Variants in ZNF728 observed in about 807,000 individuals in gnomAD.
The protein encoded by ZNF728 is zinc finger protein 728.
ZNF728 carries 12 observed loss-of-function variants against 12.5 expected under a neutral mutation model. The ratio of observed to expected loss-of-function variants is 0.96; its 90% CI spans 0.61 to 1.55. ZNF728 has a LOEUF of 1.55. Ranked by LOEUF, ZNF728 falls within the 40% of genes most tolerant of loss-of-function variation. The pLI is 0.00. For missense variants in ZNF728, 692 were observed against 719.2 expected (o/e 0.96, Z 0.43); for synonymous variants, 205 against 240.7 (o/e 0.85, Z 1.37).
chr19:22,982,673 A>G (rs934360580), intron 3 of ZNF728, among the ~76,000 whole-genome samples: 3 of 152,168 alleles, frequency 2.0e-5, no homozygotes, highest in African/African-American at 7.2e-5. Flanking sequence ...TATATAGACC[A>G]ATGGAACAGA....
chr19:22,989,672 C>CTTAT (rs1968962883), intron 1 of ZNF728, among the ~76,000 whole-genome samples: 1 of 152,104 alleles, frequency 6.6e-6, no homozygotes, highest in Non-Finnish European at 1.5e-5. Context: ...TGAATTTAAC[C>CTTAT]ATAAGGAAAC....
chr19:22,996,173 C>A (rs1454389512), intron 1 of ZNF728, among the ~76,000 whole-genome samples: 6 of 152,026 alleles, frequency 3.9e-5, no homozygotes, highest in Non-Finnish European at 7.4e-5. Flanking sequence ...AAAAAATTAT[C>A]TGAACTGTAA....
chr19:22,979,169 A>G (rs1371891149), intron 3 of ZNF728, among the ~76,000 whole-genome samples: 2 of 152,176 alleles, frequency 1.3e-5, no homozygotes, highest in African/African-American at 4.8e-5. Flanking sequence ...AAGAACATAA[A>G]TCACCTGATG....
Position 22,975,167 on chromosome 19 carries a change from C to A in ZNF728, c.*301G>T, listed in dbSNP as rs191486231. On this transcript the variant is annotated 3_prime_UTR_variant, in exon 4 of 4. Coordinates refer to ENST00000594710, the MANE Select transcript of ZNF728 (RefSeq NM_001267716.2). ...GCAGTTTCTCTCTAGTATGAATTAG[C>A]TTATGTCTGTTAAGAATTGAGGATC... Among the ~76,000 whole-genome samples, 273 of 152,306 alleles carry A rather than the reference C, an allele frequency of 1.8e-3. 1 individual carries two copies. Among genetic ancestry groups the A allele is most frequent in the Non-Finnish European group, 3.1e-3 (213 of 68,018 alleles).
intron 1 of ZNF728, among the ~76,000 whole-genome samples, chr19:22,991,766 C>T (rs1257530079): frequency 6.6e-6 from 1 of 152,128 alleles, no homozygotes; most frequent in African/African-American, 2.4e-5. Context: ...ATAAATAAGG[C>T]CTCCAAAAAG....
chr19:22,995,533 G>T (rs1203796843), intron 1 of ZNF728: 1 of 152,302 alleles, frequency 6.6e-6, no homozygotes. Context: ...TGCCTCCTGG[G>T]TTCAAGTGAT....
At chr19:22,978,053 T>G (rs1305074876) in intron 3 of ZNF728, among the ~76,000 whole-genome samples, 1 of 151,600 alleles carries the variant, frequency 6.6e-6, no homozygotes, top group Non-Finnish European at 1.5e-5. Flanking sequence ...AAGAAATAAC[T>G]GATTCTAAAA....
rs1174610201 is a variant in ZNF728, at chr19:23,000,445, G to C, written c.3+2583C>G. Among the ~76,000 whole-genome samples the C allele has an allele frequency of 2.0e-5, 3 of 149,754 alleles. No homozygotes were observed. The East Asian group carries it at 5.8e-4, about 29-fold the overall frequency. On this transcript the variant is annotated intron_variant, in intron 1 of 3. Transcript: ENST00000594710. ...CTAAATTCACTCTGAGAAAGAAAAA[G>C]GTGAATGAGAATTTTCAACAAATAA...
chr19:22,976,803 A>G lies in ZNF728; in HGVS notation c.534T>C (p.Tyr178=), dbSNP rs1968808451. The part of the protein sequence containing the change: ...TGKKLLKCKE[Y]VRSFCMLSHL... ...GTGAAAGCATGCAAAATGATCTGAC[A>G]TATTCTTTACATTTCAAAAGTTTCT... Residue 178 remains tyrosine, a synonymous_variant, in exon 4 of 4, where the codon TAT becomes TAC. Transcript: ENST00000594710. 6.2e-7 allele frequency: 1 copy of G among 1,613,382 alleles called. No homozygotes were observed. The highest frequency in any genetic ancestry group is 1.3e-5 in the African/African-American group (1 of 74,930).
chr19:22,982,612 C>T (rs289310), intron 3 of ZNF728, among the ~76,000 whole-genome samples: 46,504 of 151,630 alleles, frequency 0.31, 9,235 homozygotes, highest in African/African-American at 0.57. Context: ...TATCGAACTA[C>T]ACTACAAGGC....
chr19:22,991,707 A>G (rs539036675), intron 1 of ZNF728, among the ~76,000 whole-genome samples: 23 of 152,280 alleles, frequency 1.5e-4, no homozygotes, highest in African/African-American at 5.3e-4. Context: ...CAAAACTCTG[A>G]TTTCCTGTAA....
chr19:22,983,712 T>C (rs770248925), intron 3 of ZNF728, among the ~76,000 whole-genome samples: 2 of 152,090 alleles, frequency 1.3e-5, no homozygotes, highest in Non-Finnish European at 2.9e-5. Context: ...TGCAGAGACA[T>C]GGATAAAGCT....
intron 1 of ZNF728, among the ~76,000 whole-genome samples, chr19:23,001,330 T>A (rs1392013611): frequency 6.6e-6 from 1 of 151,754 alleles, no homozygotes; most frequent in Non-Finnish European, 1.5e-5. Flanking sequence ...CTCAAGGGAG[T>A]AGCTTTCCAA....
rs376902107 is a variant in ZNF728 at position 22,975,567 on chromosome 19, T to C, written c.1770A>G (p.Lys590=). The change falls in exon 4 of 4, where the codon AAA becomes AAG. Residue 590 remains lysine, a synonymous_variant. Transcript: ENST00000594710. ...NKHKKIHAGK[K]FYKCEECGKD... The stretch of plus-strand genomic sequence containing the variant: ...TACCACATTCTTCACATTTGTAGAA[T>C]TTCTTTCCAGCATGAATTTTCTTAT... The C allele has an allele frequency of 2.9e-4, 468 of 1,596,054 alleles. 23 individuals carry two copies. In the East Asian group the frequency reaches 3.4e-3, roughly 12 times the overall value.
chr19:22,992,579 G>T (rs958502959), intron 1 of ZNF728, among the ~76,000 whole-genome samples: 2 of 151,992 alleles, frequency 1.3e-5, no homozygotes, highest in African/African-American at 4.8e-5. Context: ...TATATGAAAT[G>T]GAAGCAATTA....
chr19:22,981,795 T>C (rs1968863686), intron 3 of ZNF728, among the ~76,000 whole-genome samples: 1 of 152,118 alleles, frequency 6.6e-6, no homozygotes, highest in Non-Finnish European at 1.5e-5. Context: ...ATTATCTCAA[T>C]AGATGCAGAA....
At chr19:22,992,304 G>A (rs1310709663) in intron 1 of ZNF728, among the ~76,000 whole-genome samples, 1 of 152,034 alleles carries the variant, frequency 6.6e-6, no homozygotes, top group Non-Finnish European at 1.5e-5. Context: ...GTGCAATGGT[G>A]TGATCTCGGC....
chr19:22,991,409 G>A (rs1376087555), intron 1 of ZNF728, among the ~76,000 whole-genome samples: 1 of 152,060 alleles, frequency 6.6e-6, no homozygotes, highest in East Asian at 1.9e-4. Flanking sequence ...TTCAAAAAAT[G>A]CATAGAAAAG....
intron 1 of ZNF728, among the ~76,000 whole-genome samples, chr19:22,996,247 T>C (rs1568278333): frequency 7.6e-6 from 1 of 132,296 alleles, no homozygotes; most frequent in Non-Finnish European, 1.5e-5. Flanking sequence ...AGGAATTCAA[T>C]CAAAGTAAAT....
Sources: allele counts gnomAD v4.1 joint callset (sites outside exome capture counted in the v4.1 genomes callset), GRCh38; gene constraint gnomAD v4.1.1; transcripts MANE v1.5; gene names NCBI Gene and HGNC (gene_info 2026-07-23, HGNC 2026-07-21).